The following CABCOCO1 variants were observed in gnomAD, a reference collection of about 807,000 sequenced individuals.
CABCOCO1 encodes the protein ciliary associated calcium binding coiled-coil 1.
In CABCOCO1, 28 loss-of-function variants were observed where a neutral mutation model predicts 35.7. That is an observed-to-expected ratio of 0.78 (90% CI 0.58 to 1.07). The LOEUF is 1.07. Among genes scored for constraint, CABCOCO1 ranks in the 50% least tolerant of loss-of-function variants. The probability of loss-of-function intolerance (pLI) is 0.00; values close to 1 mark genes in which losing one functional copy is unlikely to be tolerated. For synonymous variants in CABCOCO1, 95 were observed against 100.1 expected, an observed-to-expected ratio of 0.95 and a Z score of 0.30; for missense variants, 326 against 309.2, an observed-to-expected ratio of 1.05 and a Z score of -0.41.
intron 5 of CABCOCO1, among the ~76,000 whole-genome samples, chr10:61,746,512 C>G (rs1447024012): frequency 6.6e-6 from 1 of 152,140 alleles, no homozygotes; most frequent in Non-Finnish European, 1.5e-5. Flanking sequence ...TATGAGTGTA[C>G]AGTGTCAACC....
At chr10:61,665,018 TG>T (rs1839123239) in intron 1 of CABCOCO1, among the ~76,000 whole-genome samples, 1 of 152,214 alleles carries the variant, frequency 6.6e-6, no homozygotes, top group Non-Finnish European at 1.5e-5. Flanking sequence ...CAGTAGCCCA[TG>T]TAGTCAACTG....
chr10:61,766,558 T>C lies in CABCOCO1; in HGVS notation c.*545T>C, dbSNP rs1243582578. 1 of 152,046 alleles carries C rather than the reference T, an allele frequency of 6.6e-6. No homozygotes were observed. Among genetic ancestry groups the C allele is most frequent in the Non-Finnish European group, 1.5e-5 (1 of 68,056 alleles). 9.4% of individuals were successfully genotyped at this position (152,046 alleles called of 1,614,324 possible). On this transcript the variant is annotated 3_prime_UTR_variant, in exon 8 of 8. Coordinates refer to ENST00000648843, the MANE Select transcript of CABCOCO1 (RefSeq NM_001366906.2). ...TGGTTTTCTTATTTAAACGTTTCAG[T>C]GTGAAACCAATTTTCTGAAATTATA...
At chr10:61,688,716 G>A (rs1224045701) in intron 4 of CABCOCO1, among the ~76,000 whole-genome samples, 1 of 152,120 alleles carries the variant, frequency 6.6e-6, no homozygotes, top group African/African-American at 2.4e-5. Context: ...AAACCACAGG[G>A]TATTGCACTT....
chr10:61,727,755 C>T (rs1009676204), intron 5 of CABCOCO1, among the ~76,000 whole-genome samples: 1 of 152,072 alleles, frequency 6.6e-6, no homozygotes, highest in Non-Finnish European at 1.5e-5. Flanking sequence ...AAAAAATAAA[C>T]CAAAATAATT....
At chr10:61,764,605 A>T (rs1332233042) in intron 7 of CABCOCO1, among the ~76,000 whole-genome samples, 2 of 152,026 alleles carry the variant, frequency 1.3e-5, no homozygotes, top group African/African-American at 2.4e-5. Flanking sequence ...ACCCTACCTA[A>T]AATCATGCAT....
At chr10:61,675,241 A>G (rs1041826969) in intron 2 of CABCOCO1, among the ~76,000 whole-genome samples, 3 of 152,108 alleles carry the variant, frequency 2.0e-5, no homozygotes, top group Admixed American at 2.0e-4. Flanking sequence ...AGCTCCCGTT[A>G]TTCCCAGAGA....
At chr10:61,670,189 A>G (rs1176338041) in intron 1 of CABCOCO1, among the ~76,000 whole-genome samples, 1 of 152,134 alleles carries the variant, frequency 6.6e-6, no homozygotes. Context: ...GATTGACCCT[A>G]TAGGAATAAT....
At chr10:61,701,886 A>G (rs939179284) in intron 5 of CABCOCO1, 4 of 855,176 alleles carry the variant, frequency 4.7e-6, no homozygotes, top group Non-Finnish European at 5.6e-6. Flanking sequence ...TAAAGAAGAG[A>G]TTTGTCTTGT....
intron 1 of CABCOCO1, among the ~76,000 whole-genome samples, chr10:61,671,131 C>G (rs139634511): frequency 1.1e-4 from 16 of 152,256 alleles, no homozygotes; most frequent in African/African-American, 3.9e-4. Flanking sequence ...TCGAGATCAT[C>G]CTGGCAAACA....
chr10:61,681,357 CAT>C (rs766958314), intron 3 of CABCOCO1, 45 bp downstream of exon 3: 15 of 1,369,870 alleles, frequency 1.1e-5, no homozygotes, highest in Non-Finnish European at 1.5e-5. Context: ...TTTAATTTAC[CAT>C]ATAAATTGAG....
chr10:61,667,632 C>G (rs888304607), intron 1 of CABCOCO1, among the ~76,000 whole-genome samples: 1 of 151,636 alleles, frequency 6.6e-6, no homozygotes, highest in African/African-American at 2.4e-5. Flanking sequence ...TATTTATAAC[C>G]AAGTATAATT....
At chr10:61,683,797 G>A (rs1444715307) in intron 3 of CABCOCO1, among the ~76,000 whole-genome samples, 3 of 152,038 alleles carry the variant, frequency 2.0e-5, no homozygotes, top group Admixed American at 6.5e-5. Flanking sequence ...ATTTCAGTTA[G>A]ATAAATGAAA....
At chr10:61,732,826 CA>C (rs1279173678) in intron 5 of CABCOCO1, among the ~76,000 whole-genome samples, 10 of 152,002 alleles carry the variant, frequency 6.6e-5, no homozygotes, top group African/African-American at 2.4e-4. Flanking sequence ...AGTAAAATAT[CA>C]AAATATGTTA....
chr10:61,751,234 T>TTC (rs2132080334), intron 5 of CABCOCO1, among the ~76,000 whole-genome samples: 1 of 149,804 alleles, frequency 6.7e-6, no homozygotes, highest in South Asian at 2.1e-4. Flanking sequence ...TTTTTTTTTT[T>TTC]TTCATATAAC....
chr10:61,714,299 G>C (rs1277797173), intron 5 of CABCOCO1, among the ~76,000 whole-genome samples: 1 of 152,186 alleles, frequency 6.6e-6, no homozygotes, highest in Non-Finnish European at 1.5e-5. Context: ...TATTTGCGTA[G>C]AGGTGTTTAT....
intron 2 of CABCOCO1, among the ~76,000 whole-genome samples, chr10:61,678,100 TC>T (rs1405717315): frequency 3.3e-5 from 5 of 152,142 alleles, no homozygotes; most frequent in African/African-American, 9.7e-5. Flanking sequence ...TATTTTATTT[TC>T]CATTTGGATA....
In CABCOCO1 at chr10:61,681,230, G is replaced by T. The variant is rs780568418; in HGVS notation, c.252G>T (p.Leu84Phe). The change falls in exon 3 of 8, where the codon TTG becomes TTT. Residue 84 changes from leucine (L) to phenylalanine (F), a missense_variant. By Grantham distance (22) the Leu-to-Phe change is conservative. Transcript: ENST00000648843. ...ILLDYYVSGFLWARGMDFSII... is the reference protein window; with the variant it reads ...ILLDYYVSGFFWARGMDFSII... ...TAGATTATTATGTATCTGGATTTTT[G>T]TGGGCTAGAGGAATGGATTTCTCTA... 7 of 1,562,016 alleles carry T rather than the reference G, an allele frequency of 4.5e-6. No homozygotes were observed. In the Admixed American group the frequency reaches 7.6e-5, roughly 17 times the overall value.
intron 6 of CABCOCO1, 109 bp from the exon 7 acceptor site, chr10:61,760,754 G>A (rs1589158957): frequency 1.6e-6 from 2 of 1,256,836 alleles, no homozygotes; most frequent in East Asian, 2.6e-5. Context: ...CTTGTATCCT[G>A]GAACTTAAAG....
At chr10:61,756,403 G>C (rs1219043553) in intron 5 of CABCOCO1, among the ~76,000 whole-genome samples, 1 of 151,974 alleles carries the variant, frequency 6.6e-6, no homozygotes, top group Non-Finnish European at 1.5e-5. Context: ...TCACTTAACA[G>C]TCCATTATTC....
Sources: gnomAD v4.1 joint callset for allele counts (sites outside exome capture counted in the v4.1 genomes callset) on GRCh38, gnomAD v4.1.1 for gene constraint, MANE v1.5 for transcripts, NCBI Gene and HGNC (gene_info 2026-07-23, HGNC 2026-07-21) for gene names.